Variants in SH3PXD2A observed in about 807,000 individuals in gnomAD.
SH3PXD2A encodes SH3 and PX domains 2A.
SH3PXD2A carries 32 observed loss-of-function variants against 115.2 expected under a neutral mutation model. The observed-to-expected ratio is 0.28, with a 90% CI of 0.21 to 0.37. The LOEUF (loss-of-function observed/expected upper bound fraction) is 0.37, where lower values mean the gene tolerates loss of function less well. SH3PXD2A is among the 10% of genes least tolerant of loss of function. The pLI, the probability that SH3PXD2A is intolerant of heterozygous loss-of-function variation, is 1.00. For synonymous variants in SH3PXD2A, 610 were observed against 629.1 expected (o/e 0.97, Z 0.45); for missense variants, 1,328 against 1,498.7 (o/e 0.89, Z 1.88).
chr10:103,753,796 C>T (rs1180300243), intron 3 of SH3PXD2A: 1 of 152,186 alleles, frequency 6.6e-6, no homozygotes, highest in African/African-American at 2.4e-5. Flanking sequence ...AAATTCCAGG[C>T]CTCACACAAA....
In SH3PXD2A at chr10:103,600,107, A is replaced by G. The variant is rs532504233; in HGVS notation, c.*1709T>C. On this transcript the variant is annotated 3_prime_UTR_variant, in exon 15 of 15. Transcript: ENST00000369774. The stretch of plus-strand genomic sequence containing the variant: ...GGGAGGGCCTTTCCTCCTCTATAGA[A>G]AACACCAACCCCCAGTCCAGGGACC... 3.9e-5 allele frequency: 6 copies of G among 152,724 alleles called. No homozygotes were observed. In the East Asian group the frequency reaches 1.2e-3, roughly 29 times the overall value. 9.5% of individuals were successfully genotyped at this position (152,724 alleles called of 1,614,324 possible).
chr10:103,839,484 T>C (rs947761129), intron 1 of SH3PXD2A, among the ~76,000 whole-genome samples: 1 of 152,174 alleles, frequency 6.6e-6, no homozygotes, highest in African/African-American at 2.4e-5. Context: ...ACCCGTGCCA[T>C]CCTCATCACC....
At chr10:103,648,239 C>T (rs1302761153) in intron 8 of SH3PXD2A, among the ~76,000 whole-genome samples, 2 of 152,172 alleles carry the variant, frequency 1.3e-5, no homozygotes, top group Non-Finnish European at 2.9e-5. Flanking sequence ...AAATCCCTAC[C>T]CCGATACCAG....
chr10:103,638,312 G>C (rs950800356), intron 8 of SH3PXD2A, among the ~76,000 whole-genome samples: 1 of 152,220 alleles, frequency 6.6e-6, no homozygotes, highest in Non-Finnish European at 1.5e-5. Context: ...CGTGGAGTCC[G>C]TGTCAAGACA....
chr10:103,644,461 C>A (rs1026783437), intron 8 of SH3PXD2A, among the ~76,000 whole-genome samples: 4 of 151,936 alleles, frequency 2.6e-5, no homozygotes, highest in African/African-American at 9.7e-5. Context: ...GTGGTACGCA[C>A]CTGTGGTCCC....
At chr10:103,670,811 C>G (rs1261400508) in intron 6 of SH3PXD2A, among the ~76,000 whole-genome samples, 1 of 152,244 alleles carries the variant, frequency 6.6e-6, no homozygotes, top group African/African-American at 2.4e-5. Context: ...GGTAGACACA[C>G]CAAGGGCCTC....
At chr10:103,786,765 G>A (rs2038984679) in intron 2 of SH3PXD2A, among the ~76,000 whole-genome samples, 2 of 152,202 alleles carry the variant, frequency 1.3e-5, no homozygotes, top group African/African-American at 4.8e-5. Flanking sequence ...ATCATGGAAA[G>A]GACATGGGGC....
At chr10:103,793,752 C>T (rs983628616) in intron 2 of SH3PXD2A, among the ~76,000 whole-genome samples, 8 of 152,216 alleles carry the variant, frequency 5.3e-5, no homozygotes, top group African/African-American at 1.9e-4. Context: ...GTGGCCTCAT[C>T]GCTTTAGTCT....
At chr10:103,668,520 G>T (rs994724294) in intron 7 of SH3PXD2A, 88 bp downstream of exon 7, 96 of 1,129,632 alleles carry the variant, frequency 8.5e-5, no homozygotes, top group Non-Finnish European at 1.2e-4. Flanking sequence ...TCACAGGGAA[G>T]CATGCGCAGG....
chr10:103,690,760 G>C (rs142708736), intron 6 of SH3PXD2A, among the ~76,000 whole-genome samples: 73 of 152,312 alleles, frequency 4.8e-4, no homozygotes, highest in African/African-American at 1.7e-3. Flanking sequence ...CACAAAATGG[G>C]TATGAATATT....
At chr10:103,752,725 A>G (rs537875677) in intron 3 of SH3PXD2A, among the ~76,000 whole-genome samples, 1 of 152,340 alleles carries the variant, frequency 6.6e-6, no homozygotes, top group South Asian at 2.1e-4. Context: ...GTAAAGTGGG[A>G]CATCTTTCTT....
chr10:103,606,935 A>G (rs1312105723), intron 13 of SH3PXD2A, among the ~76,000 whole-genome samples: 1 of 152,042 alleles, frequency 6.6e-6, no homozygotes, highest in Non-Finnish European at 1.5e-5. Flanking sequence ...GGAAGTGAGG[A>G]GCGTCTCTGC....
chr10:103,730,232 CTTTTTT>C (rs67561170), intron 4 of SH3PXD2A, among the ~76,000 whole-genome samples: 4 of 118,258 alleles, frequency 3.4e-5, no homozygotes, highest in South Asian at 2.9e-4. Flanking sequence ...TTTCTCGTTT[CTTTTTT>C]TTTTTTTTTT....
chr10:103,706,932 G>A (rs559395086), intron 5 of SH3PXD2A, among the ~76,000 whole-genome samples: 61 of 152,310 alleles, frequency 4.0e-4, no homozygotes, highest in Non-Finnish European at 4.7e-4. Context: ...GCAGCAGCCC[G>A]CGGCCTCCTG....
intron 6 of SH3PXD2A, among the ~76,000 whole-genome samples, chr10:103,681,769 C>T (rs116598928): frequency 0.023 from 3,517 of 152,164 alleles, 131 homozygotes; most frequent in African/African-American, 0.079. Flanking sequence ...CGCGCGCGCG[C>T]GCGCACACAC....
chr10:103,829,301 G>C (rs1302587975), intron 1 of SH3PXD2A, among the ~76,000 whole-genome samples: 1 of 152,108 alleles, frequency 6.6e-6, no homozygotes. Flanking sequence ...AGGCACGCAG[G>C]CATCCGATCT....
chr10:103,816,701 T>C (rs750371709), intron 1 of SH3PXD2A, among the ~76,000 whole-genome samples: 3 of 152,224 alleles, frequency 2.0e-5, no homozygotes, highest in Admixed American at 6.5e-5. Flanking sequence ...AAAACTTGTA[T>C]GCAAATGTTC....
Position 103,627,922 on chromosome 10 carries a change from CT to C in SH3PXD2A, c.605-721del, listed in dbSNP as rs1293762166. 2.6e-5 allele frequency among the ~76,000 whole-genome samples: 4 copies of C among 152,246 alleles called. No homozygotes were observed. The highest frequency in any genetic ancestry group is 9.6e-5 in the African/African-American group (4 of 41,464). ...GGTCCTGTCTTCCTCCTCATCCCTT[CT>C]TCCCTGACACTTCTTTGCCCCCAAA... On this transcript the variant is annotated intron_variant, in intron 8 of 14. Coordinates refer to ENST00000369774, the MANE Select transcript of SH3PXD2A (RefSeq NM_001394015.1). The surrounding 1 kb of genome is among the most constrained non-coding windows in gnomAD (Gnocchi z 4.4).
chr10:103,713,550 C>G (rs2038070429), intron 5 of SH3PXD2A, among the ~76,000 whole-genome samples: 1 of 152,252 alleles, frequency 6.6e-6, no homozygotes, highest in Non-Finnish European at 1.5e-5. Flanking sequence ...GGGACTCCCT[C>G]TGGCCTGGAT....
Sources: gnomAD v4.1 joint callset for allele counts (sites outside exome capture counted in the v4.1 genomes callset) on GRCh38, gnomAD v4.1.1 for gene constraint, Gnocchi (gnomAD v3.1) non-coding constraint, MANE v1.5 for transcripts, NCBI Gene and HGNC (gene_info 2026-07-23, HGNC 2026-07-21) for gene names.